CTPS2: variants seen among roughly 807,000 people sequenced by gnomAD.
CTPS2 encodes the protein CTP synthase 2, also known as CTP synthase II.
A neutral mutation model predicts 46.8 loss-of-function variants in CTPS2; 19 were observed. That is an observed-to-expected ratio of 0.41 (90% CI 0.28 to 0.60). The LOEUF (loss-of-function observed/expected upper bound fraction) is 0.60. CTPS2 is among the 20% of genes least tolerant of loss of function. The pLI is 0.35. For synonymous variants in CTPS2, 151 were observed against 165.2 expected (o/e 0.91, Z 0.66); for missense variants, 286 against 447.6 (o/e 0.64, Z 3.26).
Position 16,610,878 on chromosome X carries a change from C to A in CTPS2, c.1547-1193G>T, listed in dbSNP as rs148317230. Among the ~76,000 whole-genome samples, 361 of 112,149 alleles carry A rather than the reference C, an allele frequency of 3.2e-3. 2 individuals are homozygous for A. The highest frequency in any genetic ancestry group is 0.011 in the African/African-American group (342 of 30,866). ...TGCAGCCATAAAAACGAAACCATGT[C>A]CTTTGCAGCAACATGGATGCAGCTG... On this transcript the variant is annotated intron_variant, in intron 16 of 18. Transcript: ENST00000359276.
intron 1 of CTPS2, 52 bp from the exon 2 acceptor site, chrX:16,702,993 A>G: frequency 1.2e-6 from 1 of 819,805 alleles, no homozygotes; most frequent in East Asian, 3.2e-5. Context: ...TAAAACTAGT[A>G]AAGCAGACAG....
rs370158043 is a variant in CTPS2 at position 16,622,334 on chromosome X, G to A, written c.1394-2002C>T. On this transcript the variant is annotated intron_variant, in intron 14 of 18. Coordinates refer to ENST00000359276, the MANE Select transcript of CTPS2 (RefSeq NM_175859.3). ...CGAGAATCACTTGAACCTGGAAGGC[G>A]GAGGTTGCAGTAAGCCAGGATGTCA... 2.5e-4 allele frequency among the ~76,000 whole-genome samples: 27 copies of A among 108,441 alleles called. No individual in the cohort carries two copies. The East Asian group carries it at 6.4e-3, about 26-fold the overall frequency. 94.2% of individuals were successfully genotyped at this position (108,441 alleles called of 115,157 possible).
chrX:16,665,091 A>G (rs1222750731), intron 13 of CTPS2, among the ~76,000 whole-genome samples: 2 of 112,378 alleles, frequency 1.8e-5, no homozygotes, highest in African/African-American at 6.5e-5. Context: ...ACGATGAGAC[A>G]CCACTTCACA....
chrX:16,703,019 TTAA>T, intron 1 of CTPS2, 78 bp from the exon 2 acceptor site: 2 of 606,110 alleles, frequency 3.3e-6, no homozygotes, highest in Non-Finnish European at 4.8e-6. Context: ...TCAACCAGAA[TTAA>T]TTTTTTTTTT....
At chrX:16,617,450 C>A (rs1930593819) in intron 15 of CTPS2, among the ~76,000 whole-genome samples, 2 of 111,488 alleles carry the variant, frequency 1.8e-5, no homozygotes, top group South Asian at 3.8e-4. Flanking sequence ...CTAGGAGGTG[C>A]CTTCTATTAC....
intron 13 of CTPS2, among the ~76,000 whole-genome samples, chrX:16,666,591 G>T (rs1365859782): frequency 2.7e-5 from 3 of 111,256 alleles, no homozygotes; most frequent in African/African-American, 9.8e-5. Flanking sequence ...CTAGGCTTCC[G>T]TGAGCCGTGA....
chrX:16,598,324 GA>G (rs1929413326), intron 17 of CTPS2, among the ~76,000 whole-genome samples: 1 of 110,411 alleles, frequency 9.1e-6, no homozygotes, highest in African/African-American at 3.3e-5. Flanking sequence ...GATTAATAAA[GA>G]AAAAAAGAGA....
intron 2 of CTPS2, among the ~76,000 whole-genome samples, chrX:16,702,046 T>C (rs1924619099): frequency 9.2e-6 from 1 of 108,604 alleles, no homozygotes; most frequent in African/African-American, 3.5e-5. Flanking sequence ...TTTGTTGTTT[T>C]TGTTTGTTTG....
intron 16 of CTPS2, among the ~76,000 whole-genome samples, chrX:16,615,267 A>AG (rs1421626759): frequency 9.0e-6 from 1 of 111,316 alleles, no homozygotes; most frequent in Non-Finnish European, 1.9e-5. Flanking sequence ...TGTGCCCAAG[A>AG]GGTCAAGGCT....
intron 14 of CTPS2, among the ~76,000 whole-genome samples, chrX:16,630,301 T>C (rs1487858857): frequency 9.6e-6 from 1 of 103,828 alleles, no homozygotes; most frequent in African/African-American, 3.6e-5. Flanking sequence ...GTTGCCCAGG[T>C]TGGAGTGCAG....
At chrX:16,591,410 C>T (rs1381269342) in intron 17 of CTPS2, among the ~76,000 whole-genome samples, 1 of 111,389 alleles carries the variant, frequency 9.0e-6, no homozygotes, top group African/African-American at 3.3e-5. Context: ...AATGTAATAA[C>T]ATAGCATACG....
At chrX:16,661,859 C>T (rs995264183) in intron 13 of CTPS2, among the ~76,000 whole-genome samples, 1 of 110,917 alleles carries the variant, frequency 9.0e-6, no homozygotes, top group South Asian at 3.8e-4. Flanking sequence ...GAAGGTGGAA[C>T]ATGAATTCTG....
intron 1 of CTPS2, chrX:16,711,655 T>C (rs761439892): frequency 9.0e-6 from 1 of 111,121 alleles, no homozygotes; most frequent in South Asian, 3.8e-4. Context: ...AAATGGTCAA[T>C]GTTCACTTTG....
intron 9 of CTPS2, 133 bp downstream of exon 9, chrX:16,682,961 T>C: frequency 1.5e-6 from 1 of 652,551 alleles, no homozygotes; most frequent in Non-Finnish European, 2.4e-6. Flanking sequence ...ATATGATGAG[T>C]CCTGTGAGTT....
intron 13 of CTPS2, among the ~76,000 whole-genome samples, chrX:16,642,757 C>T (rs998036827): frequency 8.9e-6 from 1 of 112,262 alleles, no homozygotes; most frequent in African/African-American, 3.2e-5. Context: ...CACTAAAAGC[C>T]TGAGAGACAG....
chrX:16,686,161 C>T (rs1923188783), intron 8 of CTPS2, among the ~76,000 whole-genome samples: 1 of 112,139 alleles, frequency 8.9e-6, no homozygotes, highest in African/African-American at 3.2e-5. Context: ...GGCACCCATG[C>T]ACAATATCTC....
chrX:16,601,199 G>A (rs1432683277), intron 17 of CTPS2, among the ~76,000 whole-genome samples: 3 of 111,301 alleles, frequency 2.7e-5, no homozygotes, highest in East Asian at 2.8e-4. Context: ...ACAGAATGTC[G>A]GATTTGTGCA....
chrX:16,703,694 A>G (rs1228230739), intron 1 of CTPS2, among the ~76,000 whole-genome samples: 2 of 111,655 alleles, frequency 1.8e-5, no homozygotes, highest in East Asian at 5.6e-4. Context: ...ATTTTTTGAA[A>G]CAAAGTCTTA....
intron 14 of CTPS2, among the ~76,000 whole-genome samples, chrX:16,637,502 G>T (rs988385164): frequency 8.9e-6 from 1 of 112,657 alleles, no homozygotes; most frequent in South Asian, 3.6e-4. Flanking sequence ...GAGCCAGTGC[G>T]ACTGGCCAAG....
Sources: gnomAD v4.1 joint callset for allele counts (sites outside exome capture counted in the v4.1 genomes callset) on GRCh38, gnomAD v4.1.1 for gene constraint, MANE v1.5 for transcripts, NCBI Gene and HGNC (gene_info 2026-07-23, HGNC 2026-07-21) for gene names.